TSPAN14: variants seen among roughly 807,000 people sequenced by gnomAD.
TSPAN14 encodes the protein tetraspanin-14.
Under a neutral mutation model 36.6 loss-of-function variants are expected in TSPAN14, and 16 were observed. The observed-to-expected ratio is 0.44, with a 90% CI of 0.30 to 0.66. TSPAN14 has a LOEUF of 0.66. Ranked by LOEUF, TSPAN14 falls within the 30% of genes least tolerant of loss-of-function variation. The pLI, the probability that TSPAN14 is intolerant of heterozygous loss-of-function variation, is 0.12. For synonymous variants in TSPAN14, 139 were observed against 143.8 expected (o/e 0.97, Z 0.24); for missense variants, 231 against 355.1 (o/e 0.65, Z 2.81).
At chr10:80,503,353 G>A (rs549920557) in intron 2 of TSPAN14, among the ~76,000 whole-genome samples, 1 of 152,136 alleles carries the variant, frequency 6.6e-6, no homozygotes, top group Non-Finnish European at 1.5e-5. Flanking sequence ...TACTTGAGAC[G>A]GTATCTGGCA....
chr10:80,513,371 GTT>G (rs1224075024), intron 6 of TSPAN14, among the ~76,000 whole-genome samples: 2 of 152,142 alleles, frequency 1.3e-5, no homozygotes, highest in East Asian at 3.9e-4. Flanking sequence ...CTGGTCCTGG[GTT>G]ACAGGCTTTG....
At chr10:80,472,678 A>G (rs543627304) in intron 1 of TSPAN14, among the ~76,000 whole-genome samples, 14 of 152,322 alleles carry the variant, frequency 9.2e-5, no homozygotes, top group African/African-American at 2.4e-4. Flanking sequence ...TGCTGTAGCT[A>G]TGTATCATTG....
At chr10:80,510,272 C>G (rs1298515080) in intron 5 of TSPAN14, among the ~76,000 whole-genome samples, 2 of 152,238 alleles carry the variant, frequency 1.3e-5, no homozygotes. Context: ...CATTAAAAAT[C>G]TATGATTCAC....
At chr10:80,511,337 G>C (rs893728399) in intron 5 of TSPAN14, among the ~76,000 whole-genome samples, 11 of 152,142 alleles carry the variant, frequency 7.2e-5, no homozygotes, top group Non-Finnish European at 1.5e-4. Context: ...CTTAGCAGCT[G>C]TTTTTTGTAA....
rs759256967 is a variant in TSPAN14 at position 80,518,009 on chromosome 10, G to A, written c.*33G>A. On this transcript the variant is annotated 3_prime_UTR_variant, in exon 9 of 9. Coordinates refer to ENST00000429989, the Ensembl canonical transcript of TSPAN14. ...AGTTGAGGGAGCCGAGCTGAGCCACGCTGGGAGGCCAGAGCCTTTCTCTGC... is the reference window on the plus strand; with the variant it reads ...AGTTGAGGGAGCCGAGCTGAGCCACACTGGGAGGCCAGAGCCTTTCTCTGC... 60 of 1,550,910 alleles carry A rather than the reference G, an allele frequency of 3.9e-5. No homozygotes were observed. The South Asian group carries it at 5.1e-4, about 13-fold the overall frequency.
intron 1 of TSPAN14, among the ~76,000 whole-genome samples, chr10:80,476,573 A>G (rs757052372): frequency 1.3e-5 from 2 of 151,438 alleles, no homozygotes; most frequent in African/African-American, 4.9e-5. Flanking sequence ...CCGCTACCAC[A>G]CCCGGCTAAT....
intron 1 of TSPAN14, among the ~76,000 whole-genome samples, chr10:80,483,794 C>T (rs566771602): frequency 2.0e-5 from 3 of 151,492 alleles, no homozygotes; most frequent in South Asian, 2.1e-4. Flanking sequence ...CCTGTAATCT[C>T]AGCTACTCAG....
At chr10:80,485,648 T>C (rs756808133) in intron 1 of TSPAN14, 2 of 985,322 alleles carry the variant, frequency 2.0e-6, no homozygotes, top group Non-Finnish European at 2.4e-6. Flanking sequence ...CCACAGAGGG[T>C]CAGGACCTGC....
chr10:80,460,276 G>A (rs969270309), intron 1 of TSPAN14, among the ~76,000 whole-genome samples: 1 of 152,180 alleles, frequency 6.6e-6, no homozygotes, highest in Non-Finnish European at 1.5e-5. Flanking sequence ...CTTGCTGCAG[G>A]CAGGCCAGGG....
At chr10:80,512,007 G>A in intron 5 of TSPAN14, 137 bp from the exon 6 acceptor site, 4 of 1,360,050 alleles carry the variant, frequency 2.9e-6, no homozygotes, top group Non-Finnish European at 4.0e-6. Context: ...CACATGGGAG[G>A]TAGGGGGCGG....
At chr10:80,465,788 A>G (rs887582389) in intron 1 of TSPAN14, among the ~76,000 whole-genome samples, 17 of 152,184 alleles carry the variant, frequency 1.1e-4, no homozygotes, top group Admixed American at 1.0e-3. Flanking sequence ...AGGATTGGTT[A>G]AGAATATTTT....
intron 1 of TSPAN14, among the ~76,000 whole-genome samples, chr10:80,461,968 C>T (rs1845995374): frequency 6.6e-6 from 1 of 151,532 alleles, no homozygotes; most frequent in African/African-American, 2.4e-5. Flanking sequence ...GGCTGGAGTG[C>T]AGTGGCCCTA....
Position 80,514,944 on chromosome 10 carries a change from C to T in TSPAN14, c.621+881C>T, listed in dbSNP as rs147917221. Among the ~76,000 whole-genome samples, 32 of 152,208 alleles carry T rather than the reference C, an allele frequency of 2.1e-4. No homozygotes were observed. The East Asian group carries it at 3.7e-3, about 18-fold the overall frequency. On this transcript the variant is annotated intron_variant, in intron 7 of 8. Coordinates refer to ENST00000429989, the Ensembl canonical transcript of TSPAN14. ...TGTGTGAAGACACAGTGAGAGGGTG[C>T]CATCCATGAACCAGAAAGTGGGCCC...
intron 2 of TSPAN14, among the ~76,000 whole-genome samples, chr10:80,498,552 T>C (rs570643374): frequency 6.6e-6 from 1 of 152,314 alleles, no homozygotes; most frequent in South Asian, 2.1e-4. Context: ...CAGGTGCCTC[T>C]GGAAAGCACT....
chr10:80,494,567 A>G (rs1848090252), intron 2 of TSPAN14, among the ~76,000 whole-genome samples: 1 of 152,032 alleles, frequency 6.6e-6, no homozygotes, highest in South Asian at 2.1e-4. Flanking sequence ...TCTGACTTTT[A>G]TTATGCTCCT....
chr10:80,487,603 G>C (rs1391974634), intron 1 of TSPAN14, among the ~76,000 whole-genome samples: 1 of 152,190 alleles, frequency 6.6e-6, no homozygotes, highest in East Asian at 1.9e-4. Context: ...TCTCCCTGCA[G>C]CCGCTCTGGC....
At chr10:80,468,556 C>G (rs1846363179) in intron 1 of TSPAN14, 1 of 152,078 alleles carries the variant, frequency 6.6e-6, no homozygotes, top group East Asian at 1.9e-4. Flanking sequence ...GCGTTACATC[C>G]TTACTATTCA....
chr10:80,462,050 A>C (rs1846001365), intron 1 of TSPAN14, among the ~76,000 whole-genome samples: 1 of 151,992 alleles, frequency 6.6e-6, no homozygotes, highest in African/African-American at 2.4e-5. Flanking sequence ...AGTAGCAGGG[A>C]CCACAGGCAT....
Position 80,475,765 on chromosome 10 carries a change from T to C in TSPAN14, c.-17-13452T>C, listed in dbSNP as rs181371692. Among the ~76,000 whole-genome samples the C allele has an allele frequency of 2.0e-5, 3 of 152,304 alleles. No homozygotes were observed. In the East Asian group the frequency reaches 5.8e-4, roughly 29 times the overall value. ...CCACACCCAGCTAATTTTTGTATTT[T>C]TAGTAGAGGCAGGGTTTCACCATCT... On this transcript the variant is annotated intron_variant, in intron 1 of 8. Transcript: ENST00000429989.
Sources: gnomAD v4.1 joint callset for allele counts (sites outside exome capture counted in the v4.1 genomes callset) on GRCh38, gnomAD v4.1.1 for gene constraint, MANE v1.5 for transcripts, NCBI Gene and HGNC (gene_info 2026-07-23, HGNC 2026-07-21) for gene names.